The following PSPC1 variants were observed in gnomAD, a reference collection of about 807,000 sequenced individuals.
The protein encoded by PSPC1 is paraspeckle protein 1.
In PSPC1, 14 loss-of-function variants were observed where a neutral mutation model predicts 51.6. The ratio of observed to expected loss-of-function variants is 0.27; its 90% CI spans 0.18 to 0.42. The LOEUF (loss-of-function observed/expected upper bound fraction) is 0.42, where lower values mean the gene tolerates loss of function less well. Ranked by LOEUF, PSPC1 falls within the 10% of genes least tolerant of loss-of-function variation. The pLI is 1.00. For missense variants in PSPC1, 406 were observed against 701.1 expected, an observed-to-expected ratio of 0.58 and a Z score of 4.75; for synonymous variants, 193 against 231.9, an observed-to-expected ratio of 0.83 and a Z score of 1.53.
chr13:19,685,064 A>C (rs902859914), intron 6 of PSPC1, among the ~76,000 whole-genome samples: 4 of 152,368 alleles, frequency 2.6e-5, no homozygotes, highest in African/African-American at 9.6e-5. Flanking sequence ...TATATAGACC[A>C]GGTTAATAGG....
chr13:19,744,461 T>A (rs1885746150), intron 4 of PSPC1, among the ~76,000 whole-genome samples: 1 of 152,210 alleles, frequency 6.6e-6, no homozygotes. Flanking sequence ...TACCCAAAGT[T>A]CCTGATATTT....
intron 6 of PSPC1, among the ~76,000 whole-genome samples, chr13:19,710,848 T>C (rs1185407463): frequency 6.6e-6 from 1 of 152,092 alleles, no homozygotes; most frequent in Non-Finnish European, 1.5e-5. Flanking sequence ...CTTAATTTTT[T>C]TTTTTTTCCC....
intron 4 of PSPC1, among the ~76,000 whole-genome samples, chr13:19,746,792 A>G (rs1203716967): frequency 4.6e-5 from 7 of 152,044 alleles, no homozygotes. Context: ...TTATTATTGT[A>G]AGGTACCCAT....
At chr13:19,691,277 T>C (rs1362802610) in intron 6 of PSPC1, among the ~76,000 whole-genome samples, 1 of 152,148 alleles carries the variant, frequency 6.6e-6, no homozygotes, top group Admixed American at 6.5e-5. Flanking sequence ...TCCCAGCACT[T>C]TGGGAGGCCA....
rs1413951361 is a variant in PSPC1 at position 19,702,747 on chromosome 13, T to C, written c.*428A>G. On this transcript the variant is annotated 3_prime_UTR_variant, in exon 9 of 9. Transcript: ENST00000338910. ...ATTAAGCTTCTATCTTTAGTGCTAC[T>C]TGCGCAAATTAAAAAGCAAAATCAT... 4 of 168,426 alleles carry C rather than the reference T, an allele frequency of 2.4e-5. No individual in the cohort carries two copies. Among genetic ancestry groups the C allele is most frequent in the African/African-American group, 9.6e-5 (4 of 41,524 alleles). The allele number at this position is 168,426 out of a possible 1,614,324, so 10.4% of individuals were successfully genotyped here.
intron 7 of PSPC1, among the ~76,000 whole-genome samples, chr13:19,706,987 C>T (rs1023937393): frequency 2.8e-4 from 43 of 152,152 alleles, no homozygotes; most frequent in African/African-American, 9.4e-4. Flanking sequence ...AGAATATTTC[C>T]GCTCCCTCAG....
At chr13:19,729,344 C>T (rs904054868) in intron 6 of PSPC1, among the ~76,000 whole-genome samples, 7 of 151,946 alleles carry the variant, frequency 4.6e-5, no homozygotes, top group African/African-American at 1.7e-4. Context: ...CGACACCAGC[C>T]TGGCCAATAT....
chr13:19,779,122 A>C (rs1201638843), intron 1 of PSPC1, among the ~76,000 whole-genome samples: 3 of 85,670 alleles, frequency 3.5e-5, no homozygotes, highest in East Asian at 3.9e-4. Context: ...AAGTGAGGAG[A>C]CCCTCTGCCT....
intron 1 of PSPC1, among the ~76,000 whole-genome samples, chr13:19,779,949 G>T (rs1889729126): frequency 1.4e-5 from 2 of 142,266 alleles, no homozygotes; most frequent in African/African-American, 5.2e-5. Context: ...GCCCCGTCCG[G>T]GAGGGAGGTG....
chr13:19,724,267 C>A (rs1267790106), intron 6 of PSPC1, among the ~76,000 whole-genome samples: 1 of 152,112 alleles, frequency 6.6e-6, no homozygotes, highest in Non-Finnish European at 1.5e-5. Context: ...TGTATCTATT[C>A]ATTAGTAAAT....
chr13:19,737,439 A>G (rs1040520406), intron 5 of PSPC1, among the ~76,000 whole-genome samples: 7 of 152,172 alleles, frequency 4.6e-5, no homozygotes, highest in African/African-American at 1.4e-4. Context: ...GTTTTTTCTC[A>G]TAACTGGAAT....
chr13:19,765,216 C>T lies in PSPC1; in HGVS notation c.675-5798G>A, dbSNP rs141224555. 2.3e-3 allele frequency among the ~76,000 whole-genome samples: 341 copies of T among 151,514 alleles called. 1 individual carries two copies. Among genetic ancestry groups the T allele is most frequent in the African/African-American group, 7.6e-3 (316 of 41,340 alleles). On this transcript the variant is annotated intron_variant, in intron 2 of 8. Transcript: ENST00000338910. ...GTGCGCACCTGTAATCACAGCTACT[C>T]AGGAGGTTGAGGCACAGGAATCACT...
intron 6 of PSPC1, among the ~76,000 whole-genome samples, chr13:19,729,850 A>G (rs955477087): frequency 6.6e-6 from 1 of 152,206 alleles, no homozygotes; most frequent in African/African-American, 2.4e-5. Context: ...AAGATTGGCC[A>G]TATGTTTATA....
At chr13:19,772,190 G>C in intron 2 of PSPC1, 52 bp downstream of exon 2, 1 of 1,547,098 alleles carries the variant, frequency 6.5e-7, no homozygotes, top group Non-Finnish European at 8.7e-7. Context: ...CCAAAACAGA[G>C]AGAAGCCCAT....
At chr13:19,729,031 A>C (rs1883718335) in intron 6 of PSPC1, among the ~76,000 whole-genome samples, 1 of 152,190 alleles carries the variant, frequency 6.6e-6, no homozygotes, top group African/African-American at 2.4e-5. Flanking sequence ...CCCTTTAAAA[A>C]CAGAAGCACC....
At chr13:19,754,265 T>C (rs1886852532) in intron 3 of PSPC1, among the ~76,000 whole-genome samples, 1 of 151,404 alleles carries the variant, frequency 6.6e-6, no homozygotes, top group African/African-American at 2.4e-5. Context: ...TTTGTAGTTT[T>C]AGTAGAGACG....
At chr13:19,704,023 A>G (rs1280223615) in intron 8 of PSPC1, among the ~76,000 whole-genome samples, 1 of 152,256 alleles carries the variant, frequency 6.6e-6, no homozygotes, top group Non-Finnish European at 1.5e-5. Context: ...TATTAATCTG[A>G]AAGGTTGGAT....
chr13:19,714,300 T>A (rs1176351215), intron 6 of PSPC1, among the ~76,000 whole-genome samples: 2 of 152,196 alleles, frequency 1.3e-5, no homozygotes, highest in Non-Finnish European at 2.9e-5. Context: ...GGCTTGAGTA[T>A]TTGGCGGATA....
intron 2 of PSPC1, among the ~76,000 whole-genome samples, chr13:19,760,002 A>G (rs960871132): frequency 1.3e-5 from 2 of 152,210 alleles, no homozygotes; most frequent in Admixed American, 1.3e-4. Context: ...AGTATAATGA[A>G]AACGAATTTG....
Sources: allele counts gnomAD v4.1 joint callset (sites outside exome capture counted in the v4.1 genomes callset), GRCh38; gene constraint gnomAD v4.1.1; transcripts MANE v1.5; gene names NCBI Gene and HGNC (gene_info 2026-07-23, HGNC 2026-07-21).